PIEZO2: variants seen among roughly 807,000 people sequenced by gnomAD.
PIEZO2 encodes the protein piezo type mechanosensitive ion channel component 2, also known as piezo-type mechanosensitive ion channel component 2.
Under a neutral mutation model 337.3 loss-of-function variants are expected in PIEZO2, and 172 were observed. The observed-to-expected ratio is 0.51, with a 90% CI of 0.45 to 0.58. The LOEUF (loss-of-function observed/expected upper bound fraction) is 0.58, where lower values mean the gene tolerates loss of function less well. Ranked by LOEUF, PIEZO2 falls within the 20% of genes least tolerant of loss-of-function variation. PIEZO2 has a pLI of 0.00. For synonymous variants in PIEZO2, 1,251 were observed against 1,228.5 expected, an observed-to-expected ratio of 1.02 and a Z score of -0.38; for missense variants, 3,028 against 3,391.3, an observed-to-expected ratio of 0.89 and a Z score of 2.66.
intron 7 of PIEZO2, among the ~76,000 whole-genome samples, chr18:10,851,153 ATC>A (rs1388337962): frequency 1.9e-5 from 2 of 106,616 alleles, no homozygotes; most frequent in Non-Finnish European, 1.9e-5. Flanking sequence ...TTTTTCTTTT[ATC>A]TTTTTTTTTT....
At chr18:10,998,703 AT>A (rs1356854155) in intron 2 of PIEZO2, among the ~76,000 whole-genome samples, 4 of 151,978 alleles carry the variant, frequency 2.6e-5, no homozygotes, top group Admixed American at 2.0e-4. Flanking sequence ...CTTATATACT[AT>A]TTTTTCTGTG....
chr18:10,860,510 C>T (rs975356409), intron 5 of PIEZO2, among the ~76,000 whole-genome samples: 2 of 152,140 alleles, frequency 1.3e-5, no homozygotes, highest in African/African-American at 4.8e-5. Context: ...CCAGAGCTAT[C>T]GCCAGGACAC....
At chr18:10,779,993 G>A (rs1410609019) in intron 18 of PIEZO2, among the ~76,000 whole-genome samples, 1 of 152,170 alleles carries the variant, frequency 6.6e-6, no homozygotes, top group East Asian at 1.9e-4. Context: ...TTCTTGAGCT[G>A]AGCTCTCAGT....
intron 5 of PIEZO2, among the ~76,000 whole-genome samples, chr18:10,866,934 AG>A (rs1258341001): frequency 6.6e-6 from 1 of 152,162 alleles, no homozygotes; most frequent in Admixed American, 6.5e-5. Flanking sequence ...CGACATTTTG[AG>A]GTATGTATGA....
Position 11,028,822 on chromosome 18 carries a change from C to CT in PIEZO2, c.160+37304dup, listed in dbSNP as rs370485568. Among the ~76,000 whole-genome samples, 5 of 152,084 alleles carry CT rather than the reference C, an allele frequency of 3.3e-5. No individual in the cohort carries two copies. The highest frequency in any genetic ancestry group is 1.2e-4 in the African/African-American group (5 of 41,408). ...ATTAGTCTTTCTTGTGCTTGGTACT[C>CT]TATATAATACCTATTGACTCACTTC... On this transcript the variant is annotated intron_variant, in intron 2 of 55. Transcript: ENST00000674853. This position sits in a 1 kb window ranked among gnomAD's most constrained non-coding sequence, Gnocchi z 4.8.
At chr18:11,046,539 G>A (rs2037323601) in intron 2 of PIEZO2, among the ~76,000 whole-genome samples, 1 of 152,234 alleles carries the variant, frequency 6.6e-6, no homozygotes, top group African/African-American at 2.4e-5. Context: ...AGTAATTGTG[G>A]AAGTGAGAGA....
At position 11,078,625 on chromosome 18, in the gene PIEZO2, G is replaced by A. The variant is rs1368869397; in HGVS notation, c.65-12403C>T. On this transcript the variant is annotated intron_variant, in intron 1 of 55. Coordinates refer to ENST00000674853, the MANE Select transcript of PIEZO2 (RefSeq NM_001378183.1). The surrounding 1 kb of genome is among the most constrained non-coding windows in gnomAD (Gnocchi z 5.3). ...CTAGAGAAGTAGACACACCTTTTAT[G>A]GCATGAATTCAGCCTTGGACTCTGT... Among the ~76,000 whole-genome samples, 2 of 152,044 alleles carry A rather than the reference G, an allele frequency of 1.3e-5. No individual in the cohort carries two copies. Among genetic ancestry groups the A allele is most frequent in the African/African-American group, 4.8e-5 (2 of 41,398 alleles).
In PIEZO2 at chr18:10,980,560, C is replaced by A. The variant is rs76758121; in HGVS notation, c.161-900G>T. Among the ~76,000 whole-genome samples the A allele has an allele frequency of 0.055, 8,377 of 152,138 alleles. 503 individuals are homozygous for A. Among genetic ancestry groups the A allele is most frequent in the African/African-American group, 0.15 (6,109 of 41,484 alleles). On this transcript the variant is annotated intron_variant, in intron 2 of 55. Coordinates refer to ENST00000674853, the MANE Select transcript of PIEZO2 (RefSeq NM_001378183.1). The surrounding 1 kb of genome is among the most constrained non-coding windows in gnomAD (Gnocchi z 4.8). ...GATACAATGAAGATTGTTAACTAGA[C>A]TTATTTGCAGATAATATGATCAAAT...
intron 2 of PIEZO2, among the ~76,000 whole-genome samples, chr18:11,020,402 G>A (rs1477861739): frequency 6.6e-6 from 1 of 152,020 alleles, no homozygotes; most frequent in Non-Finnish European, 1.5e-5. Flanking sequence ...GGCACCTGGG[G>A]TACAATTACT....
chr18:10,711,427 G>C (rs1464335789), intron 39 of PIEZO2, among the ~76,000 whole-genome samples: 2 of 152,034 alleles, frequency 1.3e-5, no homozygotes, highest in Admixed American at 1.3e-4. Context: ...TAAAACCCTT[G>C]AGATTGTATG....
intron 21 of PIEZO2, among the ~76,000 whole-genome samples, chr18:10,765,734 T>G (rs2038324522): frequency 3.7e-5 from 1 of 27,336 alleles, no homozygotes; most frequent in Non-Finnish European, 6.9e-5. Context: ...TCGCAGCAAG[T>G]GCAGGAGTCC....
chr18:11,069,678 G>T lies in PIEZO2; in HGVS notation c.65-3456C>A, dbSNP rs1598911762. 2.0e-5 allele frequency among the ~76,000 whole-genome samples: 3 copies of T among 152,232 alleles called. No homozygotes were observed. Among genetic ancestry groups the T allele is most frequent in the Non-Finnish European group, 2.9e-5 (2 of 68,010 alleles). Reference sequence around the variant, plus strand: ...GTGGTACGGGAAGTCCTAGGCAGAGGAATTAGGCAAGAAAAAGAAATCAAT... The same window carrying T: ...GTGGTACGGGAAGTCCTAGGCAGAGTAATTAGGCAAGAAAAAGAAATCAAT... On this transcript the variant is annotated intron_variant, in intron 1 of 55. Coordinates refer to ENST00000674853, the MANE Select transcript of PIEZO2 (RefSeq NM_001378183.1). The surrounding 1 kb of genome is among the most constrained non-coding windows in gnomAD (Gnocchi z 4.9).
chr18:10,910,596 A>AAAAAAGAAAGAAAAAAAG, intron 4 of PIEZO2, among the ~76,000 whole-genome samples: 1 of 152,314 alleles, frequency 6.6e-6, no homozygotes, highest in East Asian at 1.9e-4. Context: ...AAAATTTAAA[A>AAAAAAGAAAGAAAAAAAG]AAAAAGAAAG....
chr18:10,958,290 C>A (rs2033625313), intron 3 of PIEZO2, among the ~76,000 whole-genome samples: 1 of 151,940 alleles, frequency 6.6e-6, no homozygotes, highest in Non-Finnish European at 1.5e-5. Context: ...TATGTGGCAT[C>A]TAAAAAAGTC....
chr18:11,062,057 A>G (rs62083629), intron 2 of PIEZO2, among the ~76,000 whole-genome samples: 24,718 of 151,958 alleles, frequency 0.16, 3,242 homozygotes, highest in African/African-American at 0.37. Context: ...GTACCAAAAC[A>G]GAGATATAGA....
At chr18:11,060,645 T>C (rs2037914763) in intron 2 of PIEZO2, among the ~76,000 whole-genome samples, 1 of 152,156 alleles carries the variant, frequency 6.6e-6, no homozygotes, top group Non-Finnish European at 1.5e-5. Context: ...GCAAATAAAC[T>C]AGAAAATCTA....
Position 10,791,227 on chromosome 18 carries a change from A to G in PIEZO2, c.1856T>C (p.Ile619Thr). Residue 619 changes from isoleucine to threonine, a missense_variant, in exon 14 of 56, where the codon ATT becomes ACT. This residue lies in a region of PIEZO2 where 1,925 missense variants were observed against 2,051.9 expected (regional missense o/e 0.94). Coordinates refer to ENST00000674853, the MANE Select transcript of PIEZO2 (RefSeq NM_001378183.1). ...TTTTTCTTCATTTTCCTGACTGCCA[A>G]TTTTGACTTCCGATAAAAGAGCTTC... ...EKEALLSEVK[I>T]GSQENEEKDE... 2 of 1,536,036 alleles carry G rather than the reference A, an allele frequency of 1.3e-6. No homozygotes were observed. Among genetic ancestry groups the G allele is most frequent in the Non-Finnish European group, 1.7e-6 (2 of 1,146,236 alleles).
intron 2 of PIEZO2, among the ~76,000 whole-genome samples, chr18:10,983,237 C>A (rs2034737121): frequency 6.6e-6 from 1 of 152,032 alleles, no homozygotes; most frequent in South Asian, 2.1e-4. Context: ...ACAGAAACAC[C>A]AATATTGGCA....
In PIEZO2 at chr18:10,826,469, C is replaced by T. The variant is rs550427497; in HGVS notation, c.918-19195G>A. ...TACTTATTTGTTTAATCACTCTATA[C>T]ATGTATAGTGATTTCAGAACTGATA... On this transcript the variant is annotated intron_variant, in intron 7 of 55. Coordinates refer to ENST00000674853, the MANE Select transcript of PIEZO2 (RefSeq NM_001378183.1). Among the ~76,000 whole-genome samples the T allele has an allele frequency of 4.1e-4, 62 of 152,296 alleles. No homozygotes were observed. In the South Asian group the frequency reaches 0.012, roughly 28 times the overall value.
Sources: gnomAD v4.1 joint callset for allele counts (sites outside exome capture counted in the v4.1 genomes callset) on GRCh38, gnomAD v4.1.1 for gene constraint, gnomAD v4.1.1 regional missense constraint, Gnocchi (gnomAD v3.1) non-coding constraint, MANE v1.5 for transcripts, NCBI Gene and HGNC (gene_info 2026-07-23, HGNC 2026-07-21) for gene names.